Variants in ABLIM1 observed in about 807,000 individuals in gnomAD.
ABLIM1 encodes the protein actin binding LIM protein 1, also known as actin-binding LIM protein 1.
In ABLIM1, 40 loss-of-function variants were observed where a neutral mutation model predicts 107.0. The observed-to-expected ratio is 0.37, with a 90% CI of 0.29 to 0.49. The LOEUF (loss-of-function observed/expected upper bound fraction) is 0.49. ABLIM1 is among the 20% of genes least tolerant of loss of function. The pLI is 0.97. For missense variants in ABLIM1, 857 were observed against 1,008.5 expected, an observed-to-expected ratio of 0.85 and a Z score of 2.04; for synonymous variants, 357 against 357.3, an observed-to-expected ratio of 1.00 and a Z score of 0.01.
In ABLIM1 at chr10:114,434,068, G is replaced by A. The variant is rs1350131850; in HGVS notation, c.*2192C>T. 6.6e-6 allele frequency: 1 copy of A among 152,224 alleles called. No homozygotes were observed. The highest frequency in any genetic ancestry group is 2.4e-5 in the African/African-American group (1 of 41,446). 9.4% of individuals were successfully genotyped at this position (152,224 alleles called of 1,614,324 possible). On this transcript the variant is annotated 3_prime_UTR_variant, in exon 23 of 23. Transcript: ENST00000533213. ...CCCCACACTTTCCAGAGTAAAGCAAGGATGAGGACACCCAGGCATTGTGCC... is the reference window on the plus strand; with the variant it reads ...CCCCACACTTTCCAGAGTAAAGCAAAGATGAGGACACCCAGGCATTGTGCC...
intron 1 of ABLIM1, among the ~76,000 whole-genome samples, chr10:114,622,065 C>A (rs879544355): frequency 7.9e-5 from 12 of 152,106 alleles, no homozygotes; most frequent in Non-Finnish European, 1.6e-4. Flanking sequence ...TGGCACATGG[C>A]AGCAGTCCAG....
At chr10:114,634,545 C>T (rs574510670) in intron 1 of ABLIM1, among the ~76,000 whole-genome samples, 3 of 152,270 alleles carry the variant, frequency 2.0e-5, no homozygotes, top group South Asian at 2.1e-4. Flanking sequence ...GTGGATAAAT[C>T]ACACAGAAAC....
At chr10:114,502,918 T>C (rs1022207801) in intron 6 of ABLIM1, among the ~76,000 whole-genome samples, 1 of 152,216 alleles carries the variant, frequency 6.6e-6, no homozygotes, top group African/African-American at 2.4e-5. Context: ...TTGTGTCCTC[T>C]TCCAATGATG....
At chr10:114,752,336 G>A (rs75964158) in intron 1 of ABLIM1, among the ~76,000 whole-genome samples, 7 of 152,132 alleles carry the variant, frequency 4.6e-5, no homozygotes, top group Non-Finnish European at 7.3e-5. Context: ...CCACTAGAAC[G>A]TACTGTCCCC....
At chr10:114,764,116 T>C (rs960761022) in intron 1 of ABLIM1, among the ~76,000 whole-genome samples, 1 of 152,214 alleles carries the variant, frequency 6.6e-6, no homozygotes, top group Admixed American at 6.5e-5. Flanking sequence ...AGTGTTATAA[T>C]TTCCTCTAGC....
intron 1 of ABLIM1, among the ~76,000 whole-genome samples, chr10:114,670,056 A>T (rs2080185201): frequency 6.6e-6 from 1 of 152,212 alleles, no homozygotes; most frequent in African/African-American, 2.4e-5. Flanking sequence ...AGAAAAAGCT[A>T]GTACCTCCTT....
intron 1 of ABLIM1, among the ~76,000 whole-genome samples, chr10:114,672,180 G>GTTATTTAT: frequency 6.6e-6 from 1 of 151,684 alleles, no homozygotes; most frequent in African/African-American, 2.4e-5. Flanking sequence ...CTAGCCAGGA[G>GTTATTTAT]TTATTTATTT....
chr10:114,440,949 T>C (rs1161998891), intron 19 of ABLIM1, 68 bp downstream of exon 19: 68 of 1,445,116 alleles, frequency 4.7e-5, no homozygotes, highest in Non-Finnish European at 6.4e-5. Context: ...GCCAGTATAC[T>C]TGACTCTCAT....
intron 8 of ABLIM1, among the ~76,000 whole-genome samples, chr10:114,484,161 C>T (rs150587667): frequency 7.0e-4 from 106 of 152,246 alleles, no homozygotes; most frequent in African/African-American, 2.2e-3. Context: ...GAAGGGCTCA[C>T]GGAAACATGG....
intron 6 of ABLIM1, among the ~76,000 whole-genome samples, chr10:114,525,342 A>T (rs554930343): frequency 2.5e-4 from 38 of 152,310 alleles, no homozygotes; most frequent in African/African-American, 8.9e-4. Context: ...TGAAGAGAAA[A>T]ATCTGCAGGC....
intron 1 of ABLIM1, among the ~76,000 whole-genome samples, chr10:114,746,318 A>G (rs1339912591): frequency 1.3e-5 from 2 of 152,210 alleles, no homozygotes; most frequent in African/African-American, 4.8e-5. Flanking sequence ...TAGATTCCAC[A>G]TATAAGCAGG....
In ABLIM1 at chr10:114,440,066, A is replaced by T. The variant is rs375763376; in HGVS notation, c.2067+16T>A. The T allele has an allele frequency of 1.2e-4, 191 of 1,613,842 alleles. No individual in the cohort carries two copies. The highest frequency in any genetic ancestry group is 1.5e-4 in the Non-Finnish European group (181 of 1,180,032). On this transcript the variant is annotated intron_variant, in intron 20 of 22. Coordinates refer to ENST00000533213, the MANE Select transcript of ABLIM1 (RefSeq NM_002313.7). ...TATCGGTGTGGCCAATTCAAGAAAG[A>T]CAAAGTGTTCCATACCTGGTAATCT... is the stretch of plus-strand genomic sequence containing the variant.
intron 6 of ABLIM1, among the ~76,000 whole-genome samples, chr10:114,496,180 A>G (rs535725002): frequency 4.9e-4 from 75 of 152,324 alleles, no homozygotes; most frequent in African/African-American, 1.7e-3. Flanking sequence ...AGATGAAGGG[A>G]AATTACATCA....
intron 4 of ABLIM1, among the ~76,000 whole-genome samples, chr10:114,559,744 G>A (rs1298959462): frequency 6.6e-6 from 1 of 152,238 alleles, no homozygotes; most frequent in Non-Finnish European, 1.5e-5. Context: ...GGAGACAGAA[G>A]TAACATGGCT....
intron 1 of ABLIM1, among the ~76,000 whole-genome samples, chr10:114,733,960 A>C (rs2082127329): frequency 6.6e-6 from 1 of 152,058 alleles, no homozygotes; most frequent in South Asian, 2.1e-4. Context: ...TCCCAGATTC[A>C]AGCAATTCTC....
intron 1 of ABLIM1, among the ~76,000 whole-genome samples, chr10:114,751,862 A>G (rs1363098674): frequency 6.6e-6 from 1 of 152,180 alleles, no homozygotes; most frequent in African/African-American, 2.4e-5. Flanking sequence ...CAAACTTTTC[A>G]TTTCATGGGC....
intron 2 of ABLIM1, among the ~76,000 whole-genome samples, chr10:114,586,949 A>T (rs2074262500): frequency 6.6e-6 from 1 of 152,058 alleles, no homozygotes; most frequent in Non-Finnish European, 1.5e-5. Flanking sequence ...AACATAGAAA[A>T]CCCTTAATCT....
chr10:114,708,618 T>C (rs1187330709), intron 1 of ABLIM1, among the ~76,000 whole-genome samples: 3 of 152,114 alleles, frequency 2.0e-5, no homozygotes, highest in Non-Finnish European at 2.9e-5. Context: ...CTGAGTACTT[T>C]TTAAAGGAGC....
Position 114,435,876 on chromosome 10 carries a change from C to T in ABLIM1, c.*384G>A, listed in dbSNP as rs2059321750. 1 of 162,412 alleles carries T rather than the reference C, an allele frequency of 6.2e-6. No individual in the cohort carries two copies. The highest frequency in any genetic ancestry group is 1.3e-5 in the Non-Finnish European group (1 of 74,318). The allele number at this position is 162,412 out of a possible 1,614,324, so 10.1% of individuals were successfully genotyped here. On this transcript the variant is annotated 3_prime_UTR_variant, in exon 23 of 23. Coordinates refer to ENST00000533213, the MANE Select transcript of ABLIM1 (RefSeq NM_002313.7). ...ATTTATACTTTGAAATTATGATAAC[C>T]GATTTTTCCCATGCGGCATCCTAAG...
Sources: allele counts gnomAD v4.1 joint callset (sites outside exome capture counted in the v4.1 genomes callset), GRCh38; gene constraint gnomAD v4.1.1; transcripts MANE v1.5; gene names NCBI Gene and HGNC (gene_info 2026-07-23, HGNC 2026-07-21).